Variants in RBFOX3 observed in about 807,000 individuals in gnomAD.
RBFOX3 encodes the protein RNA binding protein fox-1 homolog 3.
A neutral mutation model predicts 48.7 loss-of-function variants in RBFOX3; 17 were observed. That is an observed-to-expected ratio of 0.35 (90% CI 0.24 to 0.52). The LOEUF is 0.52. RBFOX3 is among the 20% of genes least tolerant of loss of function. RBFOX3 has a pLI of 0.94. For synonymous variants in RBFOX3, 212 were observed against 209.5 expected (o/e 1.01, Z -0.10); for missense variants, 382 against 497.5 (o/e 0.77, Z 2.21).
chr17:79,501,190 C>T (rs1259874817), intron 1 of RBFOX3, among the ~76,000 whole-genome samples: 5 of 152,210 alleles, frequency 3.3e-5, no homozygotes, highest in East Asian at 1.9e-4. Flanking sequence ...TATCTTCCTC[C>T]GAGCCGCTAA....
chr17:79,499,010 A>T (rs538991327), intron 1 of RBFOX3, among the ~76,000 whole-genome samples: 43 of 150,942 alleles, frequency 2.8e-4, no homozygotes, highest in African/African-American at 9.3e-4. Context: ...ATGTCCACTC[A>T]TATACCCATC....
At chr17:79,373,331 C>T (rs1328506287) in intron 2 of RBFOX3, among the ~76,000 whole-genome samples, 1 of 152,166 alleles carries the variant, frequency 6.6e-6, no homozygotes, top group Non-Finnish European at 1.5e-5. Flanking sequence ...GAAAATGAAG[C>T]TCAGAGAGGG....
intron 4 of RBFOX3, among the ~76,000 whole-genome samples, chr17:79,147,021 CAG>C (rs139296985): frequency 0.027 from 4,079 of 152,300 alleles, 84 homozygotes; most frequent in African/African-American, 0.057. Flanking sequence ...TTACAGGGAA[CAG>C]GGGACAAAAT....
rs553755729 is a variant in RBFOX3 at position 79,332,494 on chromosome 17, G to A, written c.-174-24670C>T. 4.7e-5 allele frequency among the ~76,000 whole-genome samples: 7 copies of A among 147,552 alleles called. No homozygotes were observed. In the East Asian group the frequency reaches 1.2e-3, roughly 26 times the overall value. ...CAATGAACAAAAAGAGATGAGAGAC[G>A]GGGTGCAGAGGGGAGGGGAGCACAT... On this transcript the variant is annotated intron_variant, in intron 2 of 14. Coordinates refer to ENST00000693108, the MANE Select transcript of RBFOX3 (RefSeq NM_001350451.2).
chr17:79,297,589 C>T (rs1458232641), intron 3 of RBFOX3, among the ~76,000 whole-genome samples: 4 of 152,242 alleles, frequency 2.6e-5, no homozygotes, highest in African/African-American at 9.6e-5. Flanking sequence ...AAATCTGGCC[C>T]AGTGCCTGCC....
Position 79,420,056 on chromosome 17 carries a change from G to C in RBFOX3, c.-175+62398C>G, listed in dbSNP as rs137858299. Reference sequence around the variant, plus strand: ...GCAGGAGAATCGCTTGAACCTGGGAGGCGGATGTTGCAGTGAGCTGAGATC... The same window carrying C: ...GCAGGAGAATCGCTTGAACCTGGGACGCGGATGTTGCAGTGAGCTGAGATC... On this transcript the variant is annotated intron_variant, in intron 2 of 14. Coordinates refer to ENST00000693108, the MANE Select transcript of RBFOX3 (RefSeq NM_001350451.2). Among the ~76,000 whole-genome samples, 10 of 151,732 alleles carry C rather than the reference G, an allele frequency of 6.6e-5. No individual in the cohort carries two copies. The East Asian group carries it at 1.9e-3, about 30-fold the overall frequency.
intron 9 of RBFOX3, among the ~76,000 whole-genome samples, chr17:79,100,936 T>TCA (rs2146445926): frequency 6.6e-6 from 1 of 152,320 alleles, no homozygotes; most frequent in East Asian, 1.9e-4. Context: ...ACAGCAGGGC[T>TCA]CAGCCTGGGG....
intron 4 of RBFOX3, among the ~76,000 whole-genome samples, chr17:79,167,232 A>C (rs919941278): frequency 6.6e-6 from 1 of 152,210 alleles, no homozygotes. Flanking sequence ...GCCCAGGTAC[A>C]GTGCCAGGCA....
upstream of RBFOX3, among the ~76,000 whole-genome samples, chr17:79,611,169 T>TCTCTCTCTCGCTCTCG: frequency 1.3e-3 from 33 of 25,926 alleles, 7 homozygotes; most frequent in Non-Finnish European, 2.4e-3. Flanking sequence ...TCTCTCTCTC[T>TCTCTCTCTCGCTCTCG]CTCTCCGCCC....
intron 4 of RBFOX3, among the ~76,000 whole-genome samples, chr17:79,148,387 C>G (rs1169674999): frequency 6.6e-6 from 1 of 152,206 alleles, no homozygotes; most frequent in Non-Finnish European, 1.5e-5. Context: ...CCCTGTGCCC[C>G]ACTGCTGGGG....
intron 4 of RBFOX3, among the ~76,000 whole-genome samples, chr17:79,176,286 A>G (rs969103898): frequency 1.3e-5 from 2 of 152,172 alleles, no homozygotes; most frequent in African/African-American, 4.8e-5. Context: ...GACTTGCTCC[A>G]TTGCCCTTCT....
chr17:79,618,985 CAG>C, the RBFOX3 span, among the ~76,000 whole-genome samples: 1 of 152,182 alleles, frequency 6.6e-6, no homozygotes, highest in Non-Finnish European at 1.5e-5. Context: ...ATGGAGGCAA[CAG>C]GGCAAGAAAG....
intron 1 of RBFOX3, among the ~76,000 whole-genome samples, chr17:79,502,932 C>T (rs1476202798): frequency 1.3e-5 from 2 of 152,226 alleles, no homozygotes; most frequent in Admixed American, 1.3e-4. Context: ...TCCCGATCAG[C>T]TCAGGACCCC....
chr17:79,560,587 G>A (rs2092145442), intron 1 of RBFOX3, among the ~76,000 whole-genome samples: 1 of 152,102 alleles, frequency 6.6e-6, no homozygotes, highest in South Asian at 2.1e-4. Flanking sequence ...CGCACTCCAG[G>A]GATCATGGGG....
intron 3 of RBFOX3, among the ~76,000 whole-genome samples, chr17:79,296,716 TCTC>T (rs1190675140): frequency 7.1e-6 from 1 of 141,410 alleles, no homozygotes; most frequent in Non-Finnish European, 1.5e-5. Flanking sequence ...TTTTCCTCTT[TCTC>T]CTCCTCCTGT....
Position 79,094,538 on chromosome 17 carries a change from G to A in RBFOX3, c.999-9C>T. On this transcript the variant is annotated splice_polypyrimidine_tract_variant and intron_variant, in intron 13 of 14. Coordinates refer to ENST00000693108, the MANE Select transcript of RBFOX3 (RefSeq NM_001350451.2). ...CGTAGACTCTGCCGTAACTAGGGAA[G>A]AGCGTGGGAGGGGGAGTGGGAGGAG... The A allele has an allele frequency of 7.5e-7, 1 of 1,339,486 alleles. No individual in the cohort carries two copies. 83.0% of individuals were successfully genotyped at this position (1,339,486 alleles called of 1,614,324 possible).
At chr17:79,487,945 G>A (rs2079899143) in intron 1 of RBFOX3, among the ~76,000 whole-genome samples, 2 of 130,804 alleles carry the variant, frequency 1.5e-5, no homozygotes, top group African/African-American at 5.4e-5. Flanking sequence ...TGGGTGACCT[G>A]AACACCAACA....
In RBFOX3 at chr17:79,545,569, G is replaced by A. The variant is rs1295094301; in HGVS notation, c.-319-62971C>T. ...TGACTTGGTGTCCCAGGCTTCCCAGGTCGCTTCCTTCCAGGCAGCCGATTG... is the reference window on the plus strand; with the variant it reads ...TGACTTGGTGTCCCAGGCTTCCCAGATCGCTTCCTTCCAGGCAGCCGATTG... On this transcript the variant is annotated intron_variant, in intron 1 of 14. Transcript: ENST00000693108. Among the ~76,000 whole-genome samples, 5 of 152,204 alleles carry A rather than the reference G, an allele frequency of 3.3e-5. No individual in the cohort carries two copies. In the South Asian group the frequency reaches 8.3e-4, roughly 25 times the overall value.
chr17:79,622,266 G>C, the RBFOX3 span, among the ~76,000 whole-genome samples: 1 of 151,846 alleles, frequency 6.6e-6, no homozygotes, highest in Non-Finnish European at 1.5e-5. Context: ...TGATGGGGTG[G>C]GGGGTGGCAG....
Sources: gnomAD v4.1 joint callset for allele counts (sites outside exome capture counted in the v4.1 genomes callset) on GRCh38, gnomAD v4.1.1 for gene constraint, MANE v1.5 for transcripts, NCBI Gene and HGNC (gene_info 2026-07-23, HGNC 2026-07-21) for gene names.